NFKB1: variants seen among roughly 807,000 people sequenced by gnomAD.
The protein encoded by NFKB1 is nuclear factor kappa B subunit 1.
In NFKB1, 9 loss-of-function variants were observed where a neutral mutation model predicts 105.1. The observed-to-expected ratio is 0.09, with a 90% confidence interval of 0.05 to 0.15. NFKB1 has a LOEUF of 0.15. Among genes scored for constraint, NFKB1 ranks in the 10% least tolerant of loss-of-function variants. The pLI, the probability that NFKB1 is intolerant of heterozygous loss-of-function variation, is 1.00. For synonymous variants in NFKB1, 440 were observed against 442.2 expected (o/e 1.00, Z 0.06); for missense variants, 830 against 1,203.7 (o/e 0.69, Z 4.59).
intron 5 of NFKB1, among the ~76,000 whole-genome samples, chr4:102,562,477 C>T (rs1007857655): frequency 6.6e-6 from 1 of 152,062 alleles, no homozygotes; most frequent in African/African-American, 2.4e-5. Context: ...GAACATAGGA[C>T]GGGCTTTAAA....
rs1310721140 is a variant in NFKB1, at chr4:102,597,590, G to C, written c.1566G>C (p.Val522=). The C allele has an allele frequency of 6.2e-7, 1 of 1,613,996 alleles. No individual in the cohort carries two copies. Among genetic ancestry groups the C allele is most frequent in the Admixed American group, 1.7e-5 (1 of 60,008 alleles). Residue 522 remains valine (V), a synonymous_variant, in exon 15 of 24, where the codon GTG becomes GTC. Transcript: ENST00000226574. ...RHANALFDYA[V]TGDVKMLLAV... ...CCAATGCCCTTTTCGACTACGCGGT[G>C]ACAGGAGACGTGAAGATGCTGCTGG...
intron 11 of NFKB1, among the ~76,000 whole-genome samples, chr4:102,590,927 T>C (rs1225880692): frequency 6.6e-6 from 1 of 152,184 alleles, no homozygotes; most frequent in Non-Finnish European, 1.5e-5. Flanking sequence ...GAGTAGAAGA[T>C]TAAACCAGCC....
intron 5 of NFKB1, among the ~76,000 whole-genome samples, chr4:102,549,983 T>G (rs1722446338): frequency 6.6e-6 from 1 of 152,192 alleles, no homozygotes; most frequent in Non-Finnish European, 1.5e-5. Flanking sequence ...CTAAATCAAT[T>G]ATCAATAATT....
chr4:102,567,656 T>A (rs1270425487), intron 6 of NFKB1, among the ~76,000 whole-genome samples: 1 of 152,212 alleles, frequency 6.6e-6, no homozygotes, highest in African/African-American at 2.4e-5. Context: ...AGCCAAGGAA[T>A]GCAAATTTAT....
At chr4:102,510,863 C>T (rs182801216) in intron 1 of NFKB1, 290 of 1,137,038 alleles carry the variant, frequency 2.6e-4, no homozygotes, top group Non-Finnish European at 3.2e-4. Flanking sequence ...GCTGAATCCT[C>T]CTCTGTTCCT....
intron 1 of NFKB1, among the ~76,000 whole-genome samples, chr4:102,505,052 A>C (rs1433408113): frequency 1.3e-5 from 2 of 152,230 alleles, no homozygotes; most frequent in Admixed American, 6.5e-5. Flanking sequence ...AATGATGATG[A>C]AATTGCTTCA....
intron 2 of NFKB1, among the ~76,000 whole-genome samples, chr4:102,529,623 A>G (rs1235046991): frequency 7.9e-5 from 12 of 152,182 alleles, no homozygotes. Context: ...TTTGTTACGT[A>G]AACGTTGTCC....
intron 1 of NFKB1, among the ~76,000 whole-genome samples, chr4:102,521,371 G>A (rs1410312638): frequency 6.6e-6 from 1 of 152,102 alleles, no homozygotes; most frequent in African/African-American, 2.4e-5. Flanking sequence ...TTTTCTTGTA[G>A]TTTCATCCTC....
intron 12 of NFKB1, among the ~76,000 whole-genome samples, chr4:102,593,786 G>A (rs1726374269): frequency 6.6e-6 from 1 of 152,044 alleles, no homozygotes; most frequent in Non-Finnish European, 1.5e-5. Context: ...AGAAAAAAAA[G>A]TACCCCAAAG....
intron 1 of NFKB1, among the ~76,000 whole-genome samples, chr4:102,523,291 A>G (rs1003426553): frequency 8.5e-5 from 13 of 152,296 alleles, no homozygotes; most frequent in African/African-American, 2.6e-4. Flanking sequence ...TATATCTTCA[A>G]TCAATACTTT....
intron 5 of NFKB1, among the ~76,000 whole-genome samples, chr4:102,544,399 T>C (rs1434872992): frequency 1.3e-5 from 2 of 152,100 alleles, no homozygotes; most frequent in African/African-American, 4.8e-5. Flanking sequence ...TGAAACTGAA[T>C]TGATGGCCAA....
At chr4:102,598,910 G>T (rs1726883741) in intron 15 of NFKB1, among the ~76,000 whole-genome samples, 1 of 152,166 alleles carries the variant, frequency 6.6e-6, no homozygotes, top group African/African-American at 2.4e-5. Context: ...TCTCAGAGAG[G>T]CCACAGATTT....
chr4:102,567,014 G>C lies in NFKB1; in HGVS notation c.286G>C (p.Val96Leu), dbSNP rs767444867. Reference sequence around the variant, plus strand: ...CTGCAACTATGTGGGACCAGCAAAGGTTATTGTTCAGTTGGTCACAAATGG... The same window carrying C: ...CTGCAACTATGTGGGACCAGCAAAGCTTATTGTTCAGTTGGTCACAAATGG... ...KICNYVGPAK[V>L]IVQLVTNGKN... The change falls in exon 6 of 24, where the codon GTT becomes CTT. Residue 96 changes from valine to leucine, a missense_variant. Val to Leu is a conservative substitution (Grantham distance 32, BLOSUM62 1). This residue lies in a region of NFKB1 where 64 missense variants were observed against 79.9 expected (regional missense o/e 0.80). Coordinates refer to ENST00000226574, the MANE Select transcript of NFKB1 (RefSeq NM_003998.4). 6.2e-7 allele frequency: 1 copy of C among 1,613,970 alleles called. No individual in the cohort carries two copies. The highest frequency in any genetic ancestry group is 2.2e-5 in the East Asian group (1 of 44,878).
At chr4:102,574,427 T>G (rs759014241) in intron 6 of NFKB1, among the ~76,000 whole-genome samples, 5 of 152,204 alleles carry the variant, frequency 3.3e-5, no homozygotes, top group Non-Finnish European at 1.5e-5. Flanking sequence ...CTTTGACATA[T>G]TTCCTCACAC....
At chr4:102,514,286 A>G (rs1300623677) in intron 1 of NFKB1, among the ~76,000 whole-genome samples, 4 of 152,134 alleles carry the variant, frequency 2.6e-5, no homozygotes, top group Non-Finnish European at 5.9e-5. Context: ...TAAGCCTTCT[A>G]TATCTTTCCT....
rs574046255 is a variant in NFKB1, at chr4:102,562,341, T to C, written c.259-4646T>C. On this transcript the variant is annotated intron_variant, in intron 5 of 23. Coordinates refer to ENST00000226574, the MANE Select transcript of NFKB1 (RefSeq NM_003998.4). Reference sequence around the variant, plus strand: ...TGTAAGCTCTTCTCAGTTACACTTTTACATTTATTTGTGAGATTATTTGAT... The same window carrying C: ...TGTAAGCTCTTCTCAGTTACACTTTCACATTTATTTGTGAGATTATTTGAT... 2.6e-5 allele frequency among the ~76,000 whole-genome samples: 4 copies of C among 152,352 alleles called. No homozygotes were observed. In the South Asian group the frequency reaches 8.3e-4, roughly 32 times the overall value.
At chr4:102,575,741 T>C (rs543600265) in intron 6 of NFKB1, among the ~76,000 whole-genome samples, 2 of 152,330 alleles carry the variant, frequency 1.3e-5, no homozygotes, top group Non-Finnish European at 1.5e-5. Flanking sequence ...CTTTAAAATG[T>C]TATGCTTTTT....
At chr4:102,549,195 T>C (rs1241353149) in intron 5 of NFKB1, among the ~76,000 whole-genome samples, 1 of 152,078 alleles carries the variant, frequency 6.6e-6, no homozygotes, top group Admixed American at 6.6e-5. Flanking sequence ...GTTCTTACTA[T>C]GTATCTGTTA....
At chr4:102,521,922 T>C (rs1740601396) in intron 1 of NFKB1, among the ~76,000 whole-genome samples, 1 of 152,256 alleles carries the variant, frequency 6.6e-6, no homozygotes, top group South Asian at 2.1e-4. Flanking sequence ...GCTAGCTAGC[T>C]ATACTTTCTA....
Sources: gnomAD v4.1 joint callset for allele counts (sites outside exome capture counted in the v4.1 genomes callset) on GRCh38, gnomAD v4.1.1 for gene constraint, gnomAD v4.1.1 regional missense constraint, MANE v1.5 for transcripts, NCBI Gene and HGNC (gene_info 2026-07-23, HGNC 2026-07-21) for gene names.